Variants in CCBE1 observed in about 807,000 individuals in gnomAD.
CCBE1 encodes the protein collagen and calcium-binding EGF domain-containing protein 1.
In CCBE1, 37 loss-of-function variants were observed where a neutral mutation model predicts 50.0. The ratio of observed to expected loss-of-function variants is 0.74; its 90% CI spans 0.57 to 0.97. The LOEUF (loss-of-function observed/expected upper bound fraction) is 0.97. Among genes scored for constraint, CCBE1 ranks in the 50% least tolerant of loss-of-function variants. The pLI is 0.00. For synonymous variants in CCBE1, 234 were observed against 203.7 expected (o/e 1.15, Z -1.27); for missense variants, 538 against 523.8 (o/e 1.03, Z -0.26).
intron 5 of CCBE1, among the ~76,000 whole-genome samples, chr18:59,463,295 G>A (rs944888110): frequency 9.2e-5 from 14 of 152,098 alleles, no homozygotes; most frequent in Admixed American, 2.6e-4. Flanking sequence ...CACAGCAATC[G>A]TAGCTCACTG....
chr18:59,664,190 G>A (rs563867979), intron 2 of CCBE1, among the ~76,000 whole-genome samples: 2 of 152,098 alleles, frequency 1.3e-5, no homozygotes, highest in Non-Finnish European at 1.5e-5. Flanking sequence ...GCTTTTATAA[G>A]GGCACAAATC....
At chr18:59,501,740 C>T (rs555712328) in intron 2 of CCBE1, among the ~76,000 whole-genome samples, 1 of 152,198 alleles carries the variant, frequency 6.6e-6, no homozygotes, top group Admixed American at 6.5e-5. Flanking sequence ...GAGAAATGCT[C>T]ATTTAATGAA....
intron 7 of CCBE1, among the ~76,000 whole-genome samples, chr18:59,441,229 G>A (rs1308975964): frequency 6.6e-6 from 1 of 152,176 alleles, no homozygotes; most frequent in African/African-American, 2.4e-5. Context: ...AAAGAAAAGG[G>A]CTGGGCACAG....
At chr18:59,511,787 AACTCTACCC>A (rs1049443034) in intron 2 of CCBE1, among the ~76,000 whole-genome samples, 2 of 152,200 alleles carry the variant, frequency 1.3e-5, no homozygotes, top group Admixed American at 6.5e-5. Flanking sequence ...TTGTGAGCAC[AACTCTACCC>A]ACTCTATAGC....
chr18:59,696,472 C>G lies in CCBE1; in HGVS notation c.212+157G>C, dbSNP rs545644933. 287 of 1,502,984 alleles carry G rather than the reference C, an allele frequency of 1.9e-4. No homozygotes were observed. In the African/African-American group the frequency reaches 3.5e-3, roughly 19 times the overall value. The allele number at this position is 1,502,984 out of a possible 1,614,324, so 93.1% of individuals were successfully genotyped here. On this transcript the variant is annotated intron_variant, in intron 2 of 10. Transcript: ENST00000439986. Reference sequence around the variant, plus strand: ...TTGCTCTGACTCCGATCCAACCAACCCTCAAAGATTCGCACCGCGCGGCAC... The same window carrying G: ...TTGCTCTGACTCCGATCCAACCAACGCTCAAAGATTCGCACCGCGCGGCAC...
At position 59,645,814 on chromosome 18, in the gene CCBE1, A is replaced by C. The variant is rs139523156; in HGVS notation, c.212+50815T>G. On this transcript the variant is annotated intron_variant, in intron 2 of 10. Coordinates refer to ENST00000439986, the MANE Select transcript of CCBE1 (RefSeq NM_133459.4). ...TGGGAGGCCAAGGTGGGCGGATCAC[A>C]AGATCAGGAGATCGAGACCATCCTG... Among the ~76,000 whole-genome samples, 1,522 of 152,220 alleles carry C rather than the reference A, an allele frequency of 1.0e-2. 22 individuals carry two copies. The highest frequency in any genetic ancestry group is 0.035 in the African/African-American group (1,437 of 41,532).
chr18:59,586,617 G>T (rs549641143), intron 2 of CCBE1, among the ~76,000 whole-genome samples: 1 of 152,164 alleles, frequency 6.6e-6, no homozygotes, highest in Non-Finnish European at 1.5e-5. Flanking sequence ...GAACATCTGC[G>T]ATGGGAAAGA....
At chr18:59,532,699 T>C (rs1030909369) in intron 2 of CCBE1, among the ~76,000 whole-genome samples, 23 of 152,250 alleles carry the variant, frequency 1.5e-4, no homozygotes, top group African/African-American at 5.5e-4. Context: ...TTAATTATAA[T>C]GATGACAATC....
intron 2 of CCBE1, among the ~76,000 whole-genome samples, chr18:59,552,073 G>A (rs1445532407): frequency 1.4e-4 from 21 of 152,188 alleles, no homozygotes; most frequent in Admixed American, 1.3e-3. Context: ...CACACAACTG[G>A]TACCTTGGTG....
chr18:59,438,197 A>G (rs1196487549), intron 9 of CCBE1, 51 bp from the exon 10 acceptor site: 2 of 1,525,782 alleles, frequency 1.3e-6, no homozygotes, highest in Non-Finnish European at 1.8e-6. Flanking sequence ...GGATATCACA[A>G]GAATAGTCTC....
At chr18:59,629,208 C>T (rs556439842) in intron 2 of CCBE1, among the ~76,000 whole-genome samples, 10 of 152,326 alleles carry the variant, frequency 6.6e-5, no homozygotes, top group African/African-American at 2.4e-4. Context: ...TTCCCTGCTA[C>T]TAACTAAAGG....
At chr18:59,491,688 C>A (rs149482441) in intron 2 of CCBE1, among the ~76,000 whole-genome samples, 1,842 of 151,842 alleles carry the variant, frequency 0.012, 42 homozygotes, top group African/African-American at 0.042. Context: ...GTGGCATGTG[C>A]CTGTAGTCCC....
chr18:59,438,661 T>A (rs1350717713), intron 9 of CCBE1, among the ~76,000 whole-genome samples: 1 of 152,210 alleles, frequency 6.6e-6, no homozygotes, highest in African/African-American at 2.4e-5. Context: ...ACTTTTCCTA[T>A]GAGTGGTTGT....
rs1316648972 is a variant in CCBE1 at position 59,697,376 on chromosome 18, C to A, written c.-34G>T. 9 of 1,540,232 alleles carry A rather than the reference C, an allele frequency of 5.8e-6. No homozygotes were observed. The highest frequency in any genetic ancestry group is 7.9e-6 in the Non-Finnish European group (9 of 1,145,344). On this transcript the variant is annotated 5_prime_UTR_variant, in exon 1 of 11. Transcript: ENST00000439986. ...CTCCCGGCTTCTTCCCAGCGCCGAG[C>A]TCCGTCCGGACCAAGCGTCCTGCTC...
chr18:59,569,932 C>T (rs1042565455), intron 2 of CCBE1, among the ~76,000 whole-genome samples: 1 of 152,218 alleles, frequency 6.6e-6, no homozygotes, highest in African/African-American at 2.4e-5. Context: ...CACCCGGCCT[C>T]AGCTCCCTTT....
At chr18:59,573,997 C>T (rs1480990765) in intron 2 of CCBE1, among the ~76,000 whole-genome samples, 3 of 152,128 alleles carry the variant, frequency 2.0e-5, no homozygotes, top group Admixed American at 1.3e-4. Context: ...TCTAAATGCT[C>T]TTCTGGTTCT....
At chr18:59,576,632 C>G (rs540335985) in intron 2 of CCBE1, among the ~76,000 whole-genome samples, 1 of 152,168 alleles carries the variant, frequency 6.6e-6, no homozygotes, top group East Asian at 1.9e-4. Context: ...GCTGCCTCCC[C>G]TACAACAATG....
chr18:59,485,843 C>A (rs9957968), intron 2 of CCBE1, among the ~76,000 whole-genome samples: 2 of 151,702 alleles, frequency 1.3e-5, no homozygotes, highest in South Asian at 4.2e-4. Context: ...TCAGGTGATC[C>A]GCCCGCCTCG....
At position 59,633,282 on chromosome 18, in the gene CCBE1, G is replaced by A. The variant is rs114312716; in HGVS notation, c.212+63347C>T. ...TCCTTATTCTTATGCTGCTAAGCTCGCGACGAATTACATGAAAATAACACT... is the reference window on the plus strand; with the variant it reads ...TCCTTATTCTTATGCTGCTAAGCTCACGACGAATTACATGAAAATAACACT... On this transcript the variant is annotated intron_variant, in intron 2 of 10. Coordinates refer to ENST00000439986, the MANE Select transcript of CCBE1 (RefSeq NM_133459.4). 7.8e-3 allele frequency among the ~76,000 whole-genome samples: 1,186 copies of A among 152,240 alleles called. 14 individuals are homozygous for A. The highest frequency in any genetic ancestry group is 0.027 in the African/African-American group (1,118 of 41,528).
Sources: gnomAD v4.1 joint callset for allele counts (sites outside exome capture counted in the v4.1 genomes callset) on GRCh38, gnomAD v4.1.1 for gene constraint, MANE v1.5 for transcripts, NCBI Gene and HGNC (gene_info 2026-07-23, HGNC 2026-07-21) for gene names.